The following NPSR1 variants were observed in gnomAD, a reference collection of about 807,000 sequenced individuals.
NPSR1 encodes neuropeptide S receptor.
Under a neutral mutation model 46.9 loss-of-function variants are expected in NPSR1, and 48 were observed. That is an observed-to-expected ratio of 1.02 (90% CI 0.81 to 1.30). NPSR1 has a LOEUF of 1.30. Ranked by LOEUF, NPSR1 falls within the 50% of genes most tolerant of loss-of-function variation. The pLI is 0.00. For missense variants in NPSR1, 450 were observed against 449.5 expected, an observed-to-expected ratio of 1.00 and a Z score of -0.01; for synonymous variants, 176 against 168.1, an observed-to-expected ratio of 1.05 and a Z score of -0.36.
At chr7:34,738,939 G>T (rs1025259720) in intron 2 of NPSR1, among the ~76,000 whole-genome samples, 2 of 152,106 alleles carry the variant, frequency 1.3e-5, no homozygotes, top group African/African-American at 4.8e-5. Context: ...CCATGAGTCT[G>T]TCTATGAATT....
intron 3 of NPSR1, among the ~76,000 whole-genome samples, chr7:34,783,051 A>G (rs1245961223): frequency 6.6e-6 from 1 of 152,158 alleles, no homozygotes; most frequent in East Asian, 1.9e-4. Context: ...TTGTGAAGTG[A>G]AAAACAGGTT....
At chr7:34,802,809 C>T (rs540330528) in intron 3 of NPSR1, among the ~76,000 whole-genome samples, 1 of 150,288 alleles carries the variant, frequency 6.7e-6, no homozygotes. Flanking sequence ...ATTTTTGCAA[C>T]CTACTCATCT....
intron 2 of NPSR1, among the ~76,000 whole-genome samples, chr7:34,716,821 G>A (rs1257582856): frequency 6.6e-6 from 1 of 152,114 alleles, no homozygotes; most frequent in Non-Finnish European, 1.5e-5. Flanking sequence ...CAGCTTAAGG[G>A]TCCTAATTCC....
At chr7:34,702,562 G>A (rs971430032) in intron 2 of NPSR1, among the ~76,000 whole-genome samples, 1 of 152,116 alleles carries the variant, frequency 6.6e-6, no homozygotes, top group African/African-American at 2.4e-5. Flanking sequence ...AGAGTGCTAC[G>A]CTCTCTTCTA....
chr7:34,854,649 C>G (rs1791012442), downstream of NPSR1, among the ~76,000 whole-genome samples: 1 of 152,022 alleles, frequency 6.6e-6, no homozygotes, highest in South Asian at 2.1e-4. Context: ...AAAAACATGG[C>G]CTCAAAATAT....
At chr7:34,863,759 C>G in intron 8 of NPSR1, among the ~76,000 whole-genome samples, 1 of 151,734 alleles carries the variant, frequency 6.6e-6, no homozygotes, top group South Asian at 2.1e-4. Context: ...GAAATAGGAA[C>G]GCTTTTACAC....
At chr7:34,828,506 C>T (rs1789963565) in intron 5 of NPSR1, among the ~76,000 whole-genome samples, 1 of 152,206 alleles carries the variant, frequency 6.6e-6, no homozygotes, top group African/African-American at 2.4e-5. Flanking sequence ...ATGGGCTCTG[C>T]ATGTGTAGAT....
chr7:34,687,624 A>T (rs901826617), intron 2 of NPSR1, among the ~76,000 whole-genome samples: 2 of 152,144 alleles, frequency 1.3e-5, no homozygotes, highest in African/African-American at 4.8e-5. Flanking sequence ...TCATGATCCA[A>T]TTACCTCCAC....
intron 2 of NPSR1, among the ~76,000 whole-genome samples, chr7:34,775,427 T>A (rs1054784967): frequency 2.0e-5 from 3 of 152,194 alleles, no homozygotes; most frequent in African/African-American, 7.2e-5. Flanking sequence ...TAGTTCTTCA[T>A]TAAATGTTTG....
intron 1 of NPSR1, among the ~76,000 whole-genome samples, chr7:34,677,949 C>A (rs1792402662): frequency 6.6e-6 from 1 of 152,222 alleles, no homozygotes; most frequent in Admixed American, 6.5e-5. Flanking sequence ...GAAAACAGTC[C>A]TGTATCTACT....
chr7:34,875,873 G>A (rs112195099), intron 8 of NPSR1, among the ~76,000 whole-genome samples: 5,358 of 152,194 alleles, frequency 0.035, 146 homozygotes, highest in South Asian at 0.11. Flanking sequence ...AAGGCATTGT[G>A]TGTGCACCAT....
intron 2 of NPSR1, chr7:34,711,483 G>A (rs1186009053): frequency 6.6e-6 from 1 of 152,134 alleles, no homozygotes; most frequent in Non-Finnish European, 1.5e-5. Flanking sequence ...GATAAAATAA[G>A]GTGTCTGCCA....
At chr7:34,782,183 C>A (rs928705221) in intron 3 of NPSR1, among the ~76,000 whole-genome samples, 3 of 152,130 alleles carry the variant, frequency 2.0e-5, no homozygotes, top group African/African-American at 7.2e-5. Context: ...GCATCTGCAC[C>A]TTGAGCACCA....
Position 34,857,809 on chromosome 7 carries a change from C to T in NPSR1, c.1025+9146C>T, listed in dbSNP as rs1791083769. ...TGCAAAATATATAACTGACCAAGAT[C>T]TAGTATTTGTAATATATAAAAACTA... is the stretch of plus-strand genomic sequence containing the variant. On this transcript the variant is annotated intron_variant, in intron 8 of 8. Coordinates refer to the NPSR1 transcript ENST00000359791. 2.0e-5 allele frequency among the ~76,000 whole-genome samples: 3 copies of T among 150,908 alleles called. No individual in the cohort carries two copies. The South Asian group carries it at 6.3e-4, about 31-fold the overall frequency.
chr7:34,688,485 C>G (rs998551934), intron 2 of NPSR1, among the ~76,000 whole-genome samples: 1 of 152,174 alleles, frequency 6.6e-6, no homozygotes, highest in African/African-American at 2.4e-5. Context: ...GCACCTGCCC[C>G]CTTAACAGTG....
intron 2 of NPSR1, among the ~76,000 whole-genome samples, chr7:34,717,258 G>C (rs984656076): frequency 6.6e-6 from 1 of 152,082 alleles, no homozygotes; most frequent in East Asian, 1.9e-4. Flanking sequence ...TCAGCCTCCC[G>C]AGTAGCTTCG....
At chr7:34,690,267 A>T (rs921246443) in intron 2 of NPSR1, among the ~76,000 whole-genome samples, 5 of 148,104 alleles carry the variant, frequency 3.4e-5, no homozygotes, top group African/African-American at 7.6e-5. Context: ...ATAAAAGCAA[A>T]TTTAAAAAAA....
At chr7:34,757,830 C>T (rs537379498) in intron 2 of NPSR1, among the ~76,000 whole-genome samples, 31 of 152,234 alleles carry the variant, frequency 2.0e-4, no homozygotes, top group Non-Finnish European at 3.8e-4. Flanking sequence ...CCACTCCCCA[C>T]TCAGCACAAA....
chr7:34,772,520 A>T (rs2128733904), intron 2 of NPSR1, among the ~76,000 whole-genome samples: 1 of 152,264 alleles, frequency 6.6e-6, no homozygotes, highest in African/African-American at 2.4e-5. Context: ...GCATGATTGG[A>T]ATTCTGAGCT....
Sources: gnomAD v4.1 joint callset for allele counts (sites outside exome capture counted in the v4.1 genomes callset) on GRCh38, gnomAD v4.1.1 for gene constraint, MANE v1.5 for transcripts, NCBI Gene and HGNC (gene_info 2026-07-23, HGNC 2026-07-21) for gene names.